The following CATIP variants were observed in gnomAD, a reference collection of about 807,000 sequenced individuals.
CATIP encodes the protein ciliogenesis-associated TTC17-interacting protein.
A neutral mutation model predicts 42.5 loss-of-function variants in CATIP; 40 were observed. The ratio of observed to expected loss-of-function variants is 0.94; its 90% CI spans 0.73 to 1.22. The LOEUF is 1.22. CATIP is among the 50% of genes most tolerant of loss of function. The pLI, the probability that CATIP is intolerant of heterozygous loss-of-function variation, is 0.00. For synonymous variants in CATIP, 222 were observed against 200.2 expected (o/e 1.11, Z -0.92); for missense variants, 489 against 496.0 (o/e 0.99, Z 0.13).
At chr2:218,357,846 G>A (rs1695089668) in intron 3 of CATIP, 112 bp downstream of exon 3, 6 of 1,260,828 alleles carry the variant, frequency 4.8e-6, no homozygotes, top group Admixed American at 1.8e-5. Flanking sequence ...CCTTGGACCA[G>A]GACAAGGCAC....
At chr2:218,365,326 A>G (rs1191648581) in intron 7 of CATIP, among the ~76,000 whole-genome samples, 1 of 151,786 alleles carries the variant, frequency 6.6e-6, no homozygotes, top group Non-Finnish European at 1.5e-5. Context: ...AGGCAGGAGG[A>G]TGGCGTGAAC....
Position 218,358,016 on chromosome 2 carries a change from G to A in CATIP, c.320-21G>A. On this transcript the variant is annotated intron_variant, in intron 3 of 9. Transcript: ENST00000289388. ...GACCCACATCTCCTGTGACGTCAAT[G>A]CCTGTGTCCCTGCACCCCAGGCTAT... is the stretch of plus-strand genomic sequence containing the variant. 3.1e-6 allele frequency: 5 copies of A among 1,612,680 alleles called. 2 individuals are homozygous for A. The South Asian group carries it at 5.5e-5, about 18-fold the overall frequency.
Position 218,364,706 on chromosome 2 carries a change from G to C in CATIP, c.709G>C (p.Glu237Gln). ...CATCGTGGAGCAGACTGTCCACGCG[G>C]AGGAGGGCATCCCCATGTCCTGCCA... ...VFIVEQTVHA[E>Q]EGIPMSCQYY... Residue 237 changes from glutamate to glutamine, a missense_variant, in exon 7 of 10, where the codon GAG becomes CAG. By Grantham distance (29) the Glu-to-Gln change is conservative (BLOSUM62 2). Transcript: ENST00000289388. 1 of 1,613,954 alleles carries C rather than the reference G, an allele frequency of 6.2e-7. No individual in the cohort carries two copies. The highest frequency in any genetic ancestry group is 8.5e-7 in the Non-Finnish European group (1 of 1,179,930).
At chr2:218,359,813 TTTTTTTA>T (rs890360787) in intron 4 of CATIP, among the ~76,000 whole-genome samples, 1 of 151,914 alleles carries the variant, frequency 6.6e-6, no homozygotes, top group African/African-American at 2.4e-5. Flanking sequence ...GCTGCTTTTT[TTTTTTTA>T]TTTTATTATT....
At chr2:218,363,025 G>T (rs1695290073) in intron 6 of CATIP, 123 bp downstream of exon 6, 1 of 921,860 alleles carries the variant, frequency 1.1e-6, no homozygotes, top group African/African-American at 1.7e-5. Flanking sequence ...AAACAGCACA[G>T]GTGGGAATGG....
At position 218,368,036 on chromosome 2, in the gene CATIP, G is replaced by T. The variant is rs1695535542; in HGVS notation, c.*72G>T. ...GACGCGGGCGGGACGCGCCGGGGCG[G>T]GTGCGCTTTCCGGGCTGCGGTTTTG... On this transcript the variant is annotated 3_prime_UTR_variant, in exon 10 of 10. Transcript: ENST00000289388. The T allele has an allele frequency of 7.7e-6, 11 of 1,434,466 alleles. No individual in the cohort carries two copies. In the South Asian group the frequency reaches 1.2e-4, roughly 15 times the overall value. The allele number at this position is 1,434,466 out of a possible 1,614,324, so 88.9% of individuals were successfully genotyped here.
At chr2:218,360,192 G>C (rs1695185153) in intron 4 of CATIP, among the ~76,000 whole-genome samples, 1 of 149,622 alleles carries the variant, frequency 6.7e-6, no homozygotes, top group African/African-American at 2.5e-5. Context: ...ACAGCCTGTT[G>C]CCCAGGCTGG....
intron 1 of CATIP, 92 bp downstream of exon 1, chr2:218,357,001 G>T: frequency 6.3e-7 from 1 of 1,584,384 alleles, no homozygotes. Context: ...CTGTTCTTGG[G>T]TGCTGGGGCC....
intron 4 of CATIP, among the ~76,000 whole-genome samples, chr2:218,358,389 G>T (rs1423106143): frequency 6.6e-6 from 1 of 151,750 alleles, no homozygotes; most frequent in East Asian, 1.9e-4. Context: ...GGCCAACATA[G>T]CGAAACCTCA....
chr2:218,362,149 A>T (rs1190976215), intron 5 of CATIP, among the ~76,000 whole-genome samples: 1 of 151,902 alleles, frequency 6.6e-6, no homozygotes, highest in Non-Finnish European at 1.5e-5. Context: ...TGAGGTCAGG[A>T]GTGGAGACCA....
chr2:218,360,466 A>G, intron 4 of CATIP, 107 bp from the exon 5 acceptor site: 1 of 841,828 alleles, frequency 1.2e-6, no homozygotes, highest in South Asian at 1.6e-5. Flanking sequence ...CTTTTTTTTT[A>G]AGTCACAATC....
chr2:218,362,921 C>A lies in CATIP; in HGVS notation c.630+19C>A. ...GACCTATGTAAGGGGTCCCCTTGGG[C>A]AGGGGACTTGGCTTGGGAGCGAACT... On this transcript the variant is annotated intron_variant, in intron 6 of 9. Coordinates refer to ENST00000289388, the MANE Select transcript of CATIP (RefSeq NM_198559.2). The A allele has an allele frequency of 6.3e-7, 1 of 1,599,208 alleles. No homozygotes were observed. Among genetic ancestry groups the A allele is most frequent in the Middle Eastern group, 1.7e-4 (1 of 6,008 alleles).
At chr2:218,358,377 C>T (rs1399562552) in intron 4 of CATIP, among the ~76,000 whole-genome samples, 1 of 150,672 alleles carries the variant, frequency 6.6e-6, no homozygotes, top group Non-Finnish European at 1.5e-5. Context: ...CGAGACCAGC[C>T]TGGCCAACAT....
intron 7 of CATIP, chr2:218,365,749 A>G (rs1337805662): frequency 6.6e-6 from 1 of 152,066 alleles, no homozygotes; most frequent in African/African-American, 2.4e-5. Flanking sequence ...TGAATGCCGC[A>G]TAGCAGGAGA....
In CATIP at chr2:218,367,888, C is replaced by T. The variant is rs1186722715; in HGVS notation, c.1088C>T (p.Ala363Val). 1.9e-6 allele frequency: 3 copies of T among 1,612,484 alleles called. No homozygotes were observed. The highest frequency in any genetic ancestry group is 2.5e-6 in the Non-Finnish European group (3 of 1,179,828). ...GACCCGTGGCGTCCGTCGTCACCGGCCTTGGGCTCCTCCCACCGGCCCAAC... is the reference window on the plus strand; with the variant it reads ...GACCCGTGGCGTCCGTCGTCACCGGTCTTGGGCTCCTCCCACCGGCCCAAC... Reference protein sequence around the residue: ...PFDPWRPSSPALGSSHRPNPF... With the variant: ...PFDPWRPSSPVLGSSHRPNPF... Residue 363 changes from alanine (A) to valine (V), a missense_variant, in exon 10 of 10, where the codon GCC becomes GTC. Transcript: ENST00000289388.
In CATIP at chr2:218,357,522, C is replaced by T. The variant is rs753507964; in HGVS notation, c.119-12C>T. 2 of 1,612,038 alleles carry T rather than the reference C, an allele frequency of 1.2e-6. No individual in the cohort carries two copies. Among genetic ancestry groups the T allele is most frequent in the Non-Finnish European group, 1.7e-6 (2 of 1,178,960 alleles). On this transcript the variant is annotated splice_polypyrimidine_tract_variant and intron_variant, in intron 2 of 9. Transcript: ENST00000289388. The stretch of plus-strand genomic sequence containing the variant: ...AGGGGCTTTATCTGTTCCCACGGGC[C>T]CCTCACCCCAGACAAGGAGGAGCTA...
intron 6 of CATIP, 101 bp downstream of exon 6, chr2:218,363,003 C>A: frequency 1.6e-6 from 2 of 1,220,566 alleles, no homozygotes; most frequent in East Asian, 2.5e-5. Flanking sequence ...AAAAGGGAGG[C>A]AGGTGGGGAG....
intron 8 of CATIP, 44 bp downstream of exon 8, chr2:218,367,144 G>A: frequency 6.7e-7 from 1 of 1,502,472 alleles, no homozygotes; most frequent in South Asian, 1.1e-5. Context: ...GAGTTAAGGG[G>A]AGTGGGGAAA....
At chr2:218,359,634 T>C (rs911415254) in intron 4 of CATIP, among the ~76,000 whole-genome samples, 26 of 151,976 alleles carry the variant, frequency 1.7e-4, no homozygotes, top group Non-Finnish European at 5.9e-5. Context: ...AGTTTGGGTA[T>C]CAGGAGAACT....
Sources: gnomAD v4.1 joint callset for allele counts (sites outside exome capture counted in the v4.1 genomes callset) on GRCh38, gnomAD v4.1.1 for gene constraint, MANE v1.5 for transcripts, NCBI Gene and HGNC (gene_info 2026-07-23, HGNC 2026-07-21) for gene names.